ZCCHC24: variants seen among roughly 807,000 people sequenced by gnomAD.
ZCCHC24 encodes zinc finger CCHC-type containing 24, also known as zinc finger CCHC domain-containing protein 24.
Under a neutral mutation model 26.2 loss-of-function variants are expected in ZCCHC24, and 10 were observed. The observed-to-expected ratio is 0.38, with a 90% confidence interval of 0.24 to 0.65. The LOEUF is 0.65. ZCCHC24 is among the 30% of genes least tolerant of loss of function. The probability of loss-of-function intolerance (pLI) is 0.54; values close to 1 mark genes in which losing one functional copy is unlikely to be tolerated. For synonymous variants in ZCCHC24, 144 were observed against 147.1 expected (o/e 0.98, Z 0.15); for missense variants, 243 against 329.1 (o/e 0.74, Z 2.03).
intron 2 of ZCCHC24, among the ~76,000 whole-genome samples, chr10:79,407,452 C>T (rs750172275): frequency 6.0e-4 from 91 of 152,356 alleles, no homozygotes; most frequent in Middle Eastern, 3.4e-3. Context: ...CACGAGAGCA[C>T]GCACAGGACC....
chr10:79,402,486 A>G (rs1198310600), intron 2 of ZCCHC24, among the ~76,000 whole-genome samples: 2 of 152,140 alleles, frequency 1.3e-5, no homozygotes, highest in Non-Finnish European at 2.9e-5. Flanking sequence ...TGTGTTAGCC[A>G]GGATGGTTTC....
intron 2 of ZCCHC24, among the ~76,000 whole-genome samples, chr10:79,405,139 C>T (rs114026180): frequency 0.011 from 1,704 of 148,868 alleles, 35 homozygotes; most frequent in African/African-American, 0.039. Context: ...TTGCACCACA[C>T]GCTTAGCTCC....
At chr10:79,423,679 C>A (rs1449251087) in intron 2 of ZCCHC24, among the ~76,000 whole-genome samples, 1 of 141,840 alleles carries the variant, frequency 7.1e-6, no homozygotes, top group Non-Finnish European at 1.5e-5. Context: ...ACTATTATAC[C>A]CATTTTCTCA....
At position 79,386,141 on chromosome 10, in the gene ZCCHC24, C is replaced by A; in HGVS notation, c.*204G>T. ...CAAAAAGCCCCAGACTCCCTGCTTT[C>A]CCTGGCCTGTGGGGGGCAGCAATGT... On this transcript the variant is annotated 3_prime_UTR_variant, in exon 4 of 4. Coordinates refer to ENST00000372336, the MANE Select transcript of ZCCHC24 (RefSeq NM_153367.4). 1.6e-6 allele frequency: 1 copy of A among 608,192 alleles called. No homozygotes were observed. 37.7% of individuals were successfully genotyped at this position (608,192 alleles called of 1,614,324 possible). A position where few individuals can be genotyped will look rare whatever the true frequency, so the allele number is the denominator to read the frequency against.
rs528580646 is a variant in ZCCHC24, at chr10:79,436,545, A to G, written c.247-3787T>C. Among the ~76,000 whole-genome samples, 168 of 152,304 alleles carry G rather than the reference A, an allele frequency of 1.1e-3. 1 individual carries two copies. Among genetic ancestry groups the G allele is most frequent in the African/African-American group, 3.9e-3 (162 of 41,572 alleles). On this transcript the variant is annotated intron_variant, in intron 1 of 3. Coordinates refer to ENST00000372336, the MANE Select transcript of ZCCHC24 (RefSeq NM_153367.4). ...TGGCGCAGCCCCGCCTGAGTGACCAATGGAGCTCTGAAGTCGCTCTCTAAT... is the reference window on the plus strand; with the variant it reads ...TGGCGCAGCCCCGCCTGAGTGACCAGTGGAGCTCTGAAGTCGCTCTCTAAT...
chr10:79,442,604 G>A (rs1451957272), intron 1 of ZCCHC24, among the ~76,000 whole-genome samples: 1 of 152,196 alleles, frequency 6.6e-6, no homozygotes, highest in South Asian at 2.1e-4. Context: ...AGTCACATCC[G>A]CAGGCACTGC....
Position 79,420,467 on chromosome 10 carries a change from C to T in ZCCHC24, c.447+12091G>A, listed in dbSNP as rs2395578. 9.4e-3 allele frequency among the ~76,000 whole-genome samples: 1,427 copies of T among 152,234 alleles called. 9 individuals are homozygous for T. The highest frequency in any genetic ancestry group is 0.013 in the Non-Finnish European group (902 of 67,998). ...GACTTCTCAAGCCAGTTTGAAACAGCGGAATTGAGGCATAATAATAACGAC... is the reference window on the plus strand; with the variant it reads ...GACTTCTCAAGCCAGTTTGAAACAGTGGAATTGAGGCATAATAATAACGAC... On this transcript the variant is annotated intron_variant, in intron 2 of 3. Transcript: ENST00000372336.
chr10:79,403,524 G>A (rs1031894613), intron 2 of ZCCHC24: 12 of 985,352 alleles, frequency 1.2e-5, no homozygotes, highest in Admixed American at 6.1e-5. Flanking sequence ...GGAAGCAGGC[G>A]GTCAGAGGGA....
At chr10:79,388,811 G>A (rs1159780833) in intron 3 of ZCCHC24, among the ~76,000 whole-genome samples, 2 of 152,162 alleles carry the variant, frequency 1.3e-5, no homozygotes, top group African/African-American at 4.8e-5. Context: ...GAGTGGCACA[G>A]GGAGGAAACA....
At chr10:79,426,252 G>A (rs915218259) in intron 2 of ZCCHC24, among the ~76,000 whole-genome samples, 1 of 152,188 alleles carries the variant, frequency 6.6e-6, no homozygotes, top group Non-Finnish European at 1.5e-5. Context: ...GACCCCGGGG[G>A]CTCCATGGGC....
chr10:79,443,235 T>C (rs566676714), intron 1 of ZCCHC24, among the ~76,000 whole-genome samples: 9 of 152,146 alleles, frequency 5.9e-5, no homozygotes, highest in Non-Finnish European at 1.0e-4. Context: ...AGCAATGAAG[T>C]GACAGAGGGC....
At chr10:79,435,027 C>T (rs1263911615) in intron 1 of ZCCHC24, among the ~76,000 whole-genome samples, 1 of 152,100 alleles carries the variant, frequency 6.6e-6, no homozygotes, top group African/African-American at 2.4e-5. Flanking sequence ...GACTCGAAGA[C>T]TTTCCCCACA....
chr10:79,435,076 C>T (rs1401393068), intron 1 of ZCCHC24, among the ~76,000 whole-genome samples: 1 of 152,100 alleles, frequency 6.6e-6, no homozygotes, highest in Non-Finnish European at 1.5e-5. Flanking sequence ...GCCCCAGCCT[C>T]CCAGAGAAAA....
In ZCCHC24 at chr10:79,383,803, A is replaced by G. The variant is rs1169725567; in HGVS notation, c.*2542T>C. 6.5e-6 allele frequency: 1 copy of G among 152,714 alleles called. No homozygotes were observed. The highest frequency in any genetic ancestry group is 1.5e-5 in the Non-Finnish European group (1 of 68,018). 9.5% of individuals were successfully genotyped at this position (152,714 alleles called of 1,614,324 possible). A position where few individuals can be genotyped will look rare whatever the true frequency, so the allele number is the denominator to read the frequency against. On this transcript the variant is annotated 3_prime_UTR_variant, in exon 4 of 4. Transcript: ENST00000372336. ...AAATACACACATATTTTTTTAAAAA[A>G]GGAATTCTGTGTCAAGTATAACTCA...
At chr10:79,397,295 C>T (rs1856559327) in intron 2 of ZCCHC24, among the ~76,000 whole-genome samples, 1 of 152,192 alleles carries the variant, frequency 6.6e-6, no homozygotes, top group Admixed American at 6.5e-5. Flanking sequence ...CTGCCCTCAG[C>T]ACTGGTCAGA....
chr10:79,412,157 C>T (rs573000971), intron 2 of ZCCHC24, among the ~76,000 whole-genome samples: 48 of 152,356 alleles, frequency 3.2e-4, no homozygotes, highest in African/African-American at 1.0e-3. Context: ...CATGCACACA[C>T]GCATGCATGC....
intron 3 of ZCCHC24, among the ~76,000 whole-genome samples, chr10:79,392,186 G>A (rs1464346530): frequency 6.6e-6 from 1 of 152,056 alleles, no homozygotes; most frequent in Non-Finnish European, 1.5e-5. Context: ...TTTGCCCCGT[G>A]GACCCTCCGT....
chr10:79,386,093 C>G lies in ZCCHC24; in HGVS notation c.*252G>C. On this transcript the variant is annotated 3_prime_UTR_variant, in exon 4 of 4. Coordinates refer to ENST00000372336, the MANE Select transcript of ZCCHC24 (RefSeq NM_153367.4). ...GGCTTTTGCTTGCCTTTGTCCCCTC[C>G]ACTGAGACCCCAGGCCCGCCTGCAA... 1 of 583,654 alleles carries G rather than the reference C, an allele frequency of 1.7e-6. No individual in the cohort carries two copies. The highest frequency in any genetic ancestry group is 3.0e-5 in the Admixed American group (1 of 33,688). The allele number at this position is 583,654 out of a possible 1,614,324, so 36.2% of individuals were successfully genotyped here. A position where few individuals can be genotyped will look rare whatever the true frequency, so the allele number is the denominator to read the frequency against.
intron 2 of ZCCHC24, among the ~76,000 whole-genome samples, chr10:79,411,572 C>T (rs1856792664): frequency 6.6e-6 from 1 of 152,192 alleles, no homozygotes; most frequent in South Asian, 2.1e-4. Context: ...CCTCCCAGGG[C>T]TCAGTGTGCC....
Sources: allele counts gnomAD v4.1 joint callset (sites outside exome capture counted in the v4.1 genomes callset), GRCh38; gene constraint gnomAD v4.1.1; transcripts MANE v1.5; gene names NCBI Gene and HGNC (gene_info 2026-07-23, HGNC 2026-07-21).